Variants in RANBP10 observed in about 807,000 individuals in gnomAD.
RANBP10 encodes ran-binding protein 10.
RANBP10 carries 24 observed loss-of-function variants against 72.8 expected under a neutral mutation model. That is an observed-to-expected ratio of 0.33 (90% confidence interval 0.24 to 0.46). RANBP10 has a LOEUF of 0.46. Among genes scored for constraint, RANBP10 ranks in the 20% least tolerant of loss-of-function variants. The pLI, the probability that RANBP10 is intolerant of heterozygous loss-of-function variation, is 1.00. For synonymous variants in RANBP10, 310 were observed against 322.3 expected, an observed-to-expected ratio of 0.96 and a Z score of 0.41; for missense variants, 679 against 817.5, an observed-to-expected ratio of 0.83 and a Z score of 2.07.
Position 67,805,414 on chromosome 16 carries a change from C to T in RANBP10, c.347+14G>A. 6.2e-7 allele frequency: 1 copy of T among 1,605,974 alleles called. No individual in the cohort carries two copies. The highest frequency in any genetic ancestry group is 1.3e-5 in the African/African-American group (1 of 74,854). On this transcript the variant is annotated intron_variant, in intron 2 of 13. Transcript: ENST00000317506. ...TCCATGATCAGGGAAAGAGGGTGGT[C>T]ATGAAGGGCTTACCCATCTCTTCCT...
At chr16:67,806,196 TGGAGCACCTAGGCAGGGAAAG>T in intron 1 of RANBP10, 85 bp downstream of exon 1, 1 of 1,126,080 alleles carries the variant, frequency 8.9e-7, no homozygotes, top group East Asian at 2.6e-5. Context: ...AGCCCTAACT[TGGAGCACCTAGGCAGGGAAAG>T]GGAGGTGATA....
At chr16:67,740,466 G>A (rs1337438483) in intron 4 of RANBP10, among the ~76,000 whole-genome samples, 1 of 152,010 alleles carries the variant, frequency 6.6e-6, no homozygotes, top group Non-Finnish European at 1.5e-5. Context: ...TCAAACTGCT[G>A]ATTCCTTAGA....
intron 2 of RANBP10, among the ~76,000 whole-genome samples, chr16:67,790,846 C>A (rs2055010793): frequency 6.7e-6 from 1 of 150,092 alleles, no homozygotes. Context: ...ATTACAGGCA[C>A]TCGCCACCAT....
intron 10 of RANBP10, among the ~76,000 whole-genome samples, chr16:67,728,810 CTGGGCCCCA>C (rs2053662631): frequency 6.6e-6 from 1 of 152,248 alleles, no homozygotes; most frequent in African/African-American, 2.4e-5. Flanking sequence ...AACCTAATGA[CTGGGCCCCA>C]TGGCCCCCAT....
In RANBP10 at chr16:67,797,989, C is replaced by CAAA. The variant is rs56801646; in HGVS notation, c.347+7436_347+7438dup. Among the ~76,000 whole-genome samples the CAAA allele has an allele frequency of 2.1e-3, 93 of 43,788 alleles. 1 individual carries two copies. Among genetic ancestry groups the CAAA allele is most frequent in the Admixed American group, 3.4e-3 (13 of 3,854 alleles). The allele number at this position is 43,788 out of a possible 152,430, so 28.7% of individuals were successfully genotyped here. ...TGAGTGACAGAGAGAGACCCTCTCTCAAAAAAAAAAAAAAAAAAAAAAGCA... is the reference window on the plus strand; with the variant it reads ...TGAGTGACAGAGAGAGACCCTCTCTCAAAAAAAAAAAAAAAAAAAAAAAAAGCA... On this transcript the variant is annotated intron_variant, in intron 2 of 13. Transcript: ENST00000317506.
At chr16:67,728,265 G>T in intron 11 of RANBP10, 125 bp downstream of exon 11, 1 of 1,039,434 alleles carries the variant, frequency 9.6e-7, no homozygotes, top group Non-Finnish European at 1.4e-6. Flanking sequence ...AGGAGGCTGT[G>T]GACCAGGTCT....
intron 2 of RANBP10, among the ~76,000 whole-genome samples, chr16:67,787,067 T>A (rs1248651200): frequency 6.6e-6 from 1 of 152,032 alleles, no homozygotes; most frequent in Non-Finnish European, 1.5e-5. Flanking sequence ...GGTGAAACCC[T>A]GTCTCTACTA....
chr16:67,761,484 C>T (rs1032210182), intron 3 of RANBP10, among the ~76,000 whole-genome samples: 5 of 152,240 alleles, frequency 3.3e-5, no homozygotes, highest in Admixed American at 2.0e-4. Context: ...CACGCCTATT[C>T]AAACACAGAA....
At chr16:67,778,011 T>G (rs755077112) in intron 2 of RANBP10, among the ~76,000 whole-genome samples, 4 of 152,130 alleles carry the variant, frequency 2.6e-5, no homozygotes, top group Non-Finnish European at 5.9e-5. Context: ...AAATGACAGT[T>G]TTTTCAACAA....
At chr16:67,760,117 A>C (rs2054367806) in intron 3 of RANBP10, among the ~76,000 whole-genome samples, 1 of 152,074 alleles carries the variant, frequency 6.6e-6, no homozygotes, top group African/African-American at 2.4e-5. Flanking sequence ...AAAAAAAAGA[A>C]AAAAGAAACC....
At chr16:67,774,029 C>T (rs2054652573) in intron 2 of RANBP10, among the ~76,000 whole-genome samples, 1 of 152,230 alleles carries the variant, frequency 6.6e-6, no homozygotes, top group Non-Finnish European at 1.5e-5. Context: ...CCCAAATAAT[C>T]AGCTTCCTGA....
intron 3 of RANBP10, among the ~76,000 whole-genome samples, chr16:67,755,785 G>A (rs2054276951): frequency 6.6e-6 from 1 of 151,552 alleles, no homozygotes; most frequent in Admixed American, 6.6e-5. Flanking sequence ...AAGGATGCCT[G>A]AGGCCACATG....
At chr16:67,776,544 A>G (rs1259716115) in intron 2 of RANBP10, among the ~76,000 whole-genome samples, 1 of 150,700 alleles carries the variant, frequency 6.6e-6, no homozygotes, top group Non-Finnish European at 1.5e-5. Context: ...GAGCTAAGAC[A>G]GGCAGATCAC....
rs542855770 is a variant in RANBP10, at chr16:67,747,966, G to A, written c.401-3511C>T. On this transcript the variant is annotated intron_variant, in intron 3 of 13. Coordinates refer to ENST00000317506, the MANE Select transcript of RANBP10 (RefSeq NM_020850.3). ...CTCCCGAGTAGCTGGGACTACAGGC[G>A]CCCGCCACCATGCCTGGCTAATTTT... 2.7e-5 allele frequency among the ~76,000 whole-genome samples: 4 copies of A among 150,936 alleles called. No individual in the cohort carries two copies. In the East Asian group the frequency reaches 6.0e-4, roughly 23 times the overall value.
At chr16:67,764,273 C>T (rs906301074) in intron 3 of RANBP10, among the ~76,000 whole-genome samples, 1 of 152,178 alleles carries the variant, frequency 6.6e-6, no homozygotes, top group Non-Finnish European at 1.5e-5. Flanking sequence ...TCATAAAAGG[C>T]TAAAGACCAA....
At chr16:67,754,605 C>A (rs953019788) in intron 3 of RANBP10, among the ~76,000 whole-genome samples, 6 of 152,186 alleles carry the variant, frequency 3.9e-5, no homozygotes, top group African/African-American at 1.4e-4. Context: ...TCTTGAGAAA[C>A]TGGAAACCAG....
intron 2 of RANBP10, among the ~76,000 whole-genome samples, chr16:67,799,862 C>A (rs922958238): frequency 6.6e-6 from 1 of 152,068 alleles, no homozygotes; most frequent in African/African-American, 2.4e-5. Flanking sequence ...ATGGCTCACA[C>A]CTGTAATCCT....
chr16:67,771,234 TAC>T (rs1276345455), intron 3 of RANBP10, among the ~76,000 whole-genome samples: 1 of 152,132 alleles, frequency 6.6e-6, no homozygotes, highest in East Asian at 1.9e-4. Flanking sequence ...CAGCCTGGGT[TAC>T]AGAGTGAGAC....
At chr16:67,788,957 A>G (rs1003638748) in intron 2 of RANBP10, among the ~76,000 whole-genome samples, 4 of 148,566 alleles carry the variant, frequency 2.7e-5, no homozygotes, top group Non-Finnish European at 5.9e-5. Flanking sequence ...AGATCACACC[A>G]CTGCACTCCA....
Sources: allele counts gnomAD v4.1 joint callset (sites outside exome capture counted in the v4.1 genomes callset), GRCh38; gene constraint gnomAD v4.1.1; transcripts MANE v1.5; gene names NCBI Gene and HGNC (gene_info 2026-07-23, HGNC 2026-07-21).